Variants in LRRIQ1 observed in about 807,000 individuals in gnomAD.
LRRIQ1 encodes leucine-rich repeat- and IQ domain-containing protein 1.
Under a neutral mutation model 211.9 loss-of-function variants are expected in LRRIQ1, and 210 were observed. The ratio of observed to expected loss-of-function variants is 0.99; its 90% CI spans 0.89 to 1.11. LRRIQ1 has a LOEUF of 1.11. Among genes scored for constraint, LRRIQ1 ranks in the 50% most tolerant of loss-of-function variants. The pLI, the probability that LRRIQ1 is intolerant of heterozygous loss-of-function variation, is 0.00. For synonymous variants in LRRIQ1, 699 were observed against 650.1 expected (o/e 1.08, Z -1.14); for missense variants, 2,136 against 1,939.5 (o/e 1.10, Z -1.90).
At chr12:85,065,478 T>C in intron 9 of LRRIQ1, 64 bp downstream of exon 9, 3 of 1,296,194 alleles carry the variant, frequency 2.3e-6, no homozygotes, top group Non-Finnish European at 3.1e-6. Context: ...TATGTTTACA[T>C]TTCAGAAATG....
intron 11 of LRRIQ1, among the ~76,000 whole-genome samples, chr12:85,079,675 T>C (rs1884062651): frequency 6.6e-6 from 1 of 152,194 alleles, no homozygotes; most frequent in Non-Finnish European, 1.5e-5. Context: ...TCCTTAGCAA[T>C]TAATTAGTTA....
intron 24 of LRRIQ1, among the ~76,000 whole-genome samples, chr12:85,214,131 G>T (rs890274068): frequency 2.0e-5 from 3 of 151,912 alleles, no homozygotes; most frequent in Non-Finnish European, 4.4e-5. Flanking sequence ...AATGCAACCA[G>T]TAATAATATT....
chr12:85,141,433 GT>G (rs1198084707), intron 19 of LRRIQ1, among the ~76,000 whole-genome samples: 1 of 151,064 alleles, frequency 6.6e-6, no homozygotes, highest in East Asian at 1.9e-4. Context: ...TCGGGGCTGT[GT>G]TTTTGGGGCA....
chr12:85,036,778 G>C (rs1878153232), intron 1 of LRRIQ1, among the ~76,000 whole-genome samples: 1 of 147,706 alleles, frequency 6.8e-6, no homozygotes, highest in Non-Finnish European at 1.5e-5. Flanking sequence ...TAATTTATAT[G>C]AACCTTATAA....
Position 85,143,423 on chromosome 12 carries a change from C to T in LRRIQ1, c.4329+5454C>T, listed in dbSNP as rs868648023. On this transcript the variant is annotated intron_variant, in intron 19 of 26. Coordinates refer to ENST00000393217, the MANE Select transcript of LRRIQ1 (RefSeq NM_001079910.2). ...ATGTAGGTTGTCTCTTCATTTTCTT[C>T]GTTGTTTACTTTGCTGCACTGGAGC... Among the ~76,000 whole-genome samples, 29 of 151,630 alleles carry T rather than the reference C, an allele frequency of 1.9e-4. 3 individuals carry two copies. In the Middle Eastern group the frequency reaches 0.044, roughly 231 times the overall value.
chr12:85,094,422 C>T (rs1885682187), intron 11 of LRRIQ1, among the ~76,000 whole-genome samples: 1 of 152,068 alleles, frequency 6.6e-6, no homozygotes, highest in African/African-American at 2.4e-5. Context: ...TGAAACCGGT[C>T]ACTGGTGCCA....
At chr12:85,054,883 G>A (rs1188458942) in intron 7 of LRRIQ1, among the ~76,000 whole-genome samples, 1 of 151,668 alleles carries the variant, frequency 6.6e-6, no homozygotes, top group African/African-American at 2.4e-5. Context: ...GTTAGTTTCC[G>A]TTAGATATTT....
intron 1 of LRRIQ1, among the ~76,000 whole-genome samples, chr12:85,257,073 A>ATT (rs1896124268): frequency 9.4e-6 from 1 of 106,842 alleles, no homozygotes; most frequent in South Asian, 2.4e-4. Context: ...TAATTATATA[A>ATT]ATATATATAA....
In LRRIQ1 at chr12:85,229,635, C is replaced by T; in HGVS notation, c.4941C>T (p.Ser1647=). ...TTGGGGTTCATGAAACGACTAGTTC[C>T]AGAAATATGAAATGGTGAGGTCATT... ...TQVGVHETTS[S]RNMKCNHFLP... is the part of the protein sequence containing the mutation. Residue 1647 remains serine, a synonymous_variant, in exon 25 of 27, where the codon TCC becomes TCT. Transcript: ENST00000393217. The T allele has an allele frequency of 6.2e-7, 1 of 1,611,174 alleles. No homozygotes were observed. The highest frequency in any genetic ancestry group is 8.5e-7 in the Non-Finnish European group (1 of 1,179,070).
intron 15 of LRRIQ1, among the ~76,000 whole-genome samples, chr12:85,116,880 C>T (rs575828795): frequency 1.3e-5 from 2 of 151,002 alleles, no homozygotes; most frequent in South Asian, 2.1e-4. Context: ...GACATGATCT[C>T]GTTCTTTTTT....
intron 11 of LRRIQ1, among the ~76,000 whole-genome samples, chr12:85,078,724 G>A (rs781391790): frequency 2.0e-5 from 3 of 151,868 alleles, no homozygotes; most frequent in Non-Finnish European, 4.4e-5. Flanking sequence ...ATAATTAAAC[G>A]AGCTTTATTT....
At chr12:85,135,262 T>A (rs1031519654) in intron 18 of LRRIQ1, among the ~76,000 whole-genome samples, 3 of 151,950 alleles carry the variant, frequency 2.0e-5, no homozygotes, top group Non-Finnish European at 4.4e-5. Context: ...ATGTTTATCA[T>A]CTCCTGGTTT....
chr12:85,072,726 A>G (rs1308197595), intron 10 of LRRIQ1, among the ~76,000 whole-genome samples, 181 bp from the exon 11 acceptor site: 1 of 151,472 alleles, frequency 6.6e-6, no homozygotes, highest in Non-Finnish European at 1.5e-5. Flanking sequence ...TTGTTTGCCT[A>G]CCTGGCCATC....
chr12:85,115,950 A>C (rs367766102), intron 15 of LRRIQ1, among the ~76,000 whole-genome samples: 2 of 152,248 alleles, frequency 1.3e-5, no homozygotes, highest in East Asian at 3.8e-4. Context: ...TTCTGCATAG[A>C]AGCCCAGTGT....
intron 25 of LRRIQ1, 82 bp downstream of exon 25, chr12:85,229,731 A>T: frequency 7.0e-7 from 1 of 1,423,532 alleles, no homozygotes; most frequent in Non-Finnish European, 9.7e-7. Context: ...GTGCTAAAAC[A>T]AACATGACTT....
chr12:85,234,509 G>T (rs965773905), intron 26 of LRRIQ1, among the ~76,000 whole-genome samples: 1 of 151,932 alleles, frequency 6.6e-6, no homozygotes, highest in Admixed American at 6.6e-5. Flanking sequence ...TTTTTTAATT[G>T]AGTGGATGCA....
chr12:85,138,786 T>G (rs1889322631), intron 19 of LRRIQ1, among the ~76,000 whole-genome samples: 1 of 151,716 alleles, frequency 6.6e-6, no homozygotes, highest in Admixed American at 6.6e-5. Context: ...TAAACAAACA[T>G]GAAACATACA....
chr12:85,104,960 C>G (rs1026528913), intron 14 of LRRIQ1, among the ~76,000 whole-genome samples: 1 of 152,048 alleles, frequency 6.6e-6, no homozygotes, highest in African/African-American at 2.4e-5. Flanking sequence ...ACTATGTTAT[C>G]TCATTGTGGT....
rs566557266 is a variant in LRRIQ1, at chr12:85,056,024, A to T, written c.1231A>T (p.Ser411Cys). The change falls in exon 8 of 27, where the codon AGT (serine) becomes TGT (cysteine). Residue 411 changes from serine (S) to cysteine (C), a missense_variant. By Grantham distance (112) the Ser-to-Cys change is moderately radical. Coordinates refer to ENST00000393217, the MANE Select transcript of LRRIQ1 (RefSeq NM_001079910.2). ...KKSGYNNKHL[S>C]LEDISNDKGD... ...GAGCGGATATAATAACAAACATTTA[A>T]GTCTTGAAGATATTTCAAATGATAA... The T allele has an allele frequency of 8.7e-6, 14 of 1,602,300 alleles. No individual in the cohort carries two copies. The highest frequency in any genetic ancestry group is 1.1e-5 in the Non-Finnish European group (13 of 1,176,778).
Sources: allele counts gnomAD v4.1 joint callset (sites outside exome capture counted in the v4.1 genomes callset), GRCh38; gene constraint gnomAD v4.1.1; transcripts MANE v1.5; gene names NCBI Gene and HGNC (gene_info 2026-07-23, HGNC 2026-07-21).